DNAJC18: variants seen among roughly 807,000 people sequenced by gnomAD.
DNAJC18 encodes dnaJ homolog subfamily C member 18.
Under a neutral mutation model 48.6 loss-of-function variants are expected in DNAJC18, and 40 were observed. The ratio of observed to expected loss-of-function variants is 0.82; its 90% confidence interval spans 0.64 to 1.07. DNAJC18 has a LOEUF of 1.07. DNAJC18 is among the 50% of genes least tolerant of loss of function. The probability of loss-of-function intolerance (pLI) is 0.00; values close to 1 mark genes in which losing one functional copy is unlikely to be tolerated. For missense variants in DNAJC18, 340 were observed against 427.7 expected (o/e 0.79, Z 1.81); for synonymous variants, 135 against 152.2 (o/e 0.89, Z 0.83).
chr5:139,422,420 A>G (rs904850416), intron 6 of DNAJC18, among the ~76,000 whole-genome samples: 4 of 152,206 alleles, frequency 2.6e-5, no homozygotes, highest in Admixed American at 6.5e-5. Flanking sequence ...TAATGAGTTC[A>G]TCTAAACCTT....
At chr5:139,421,977 TATTC>T (rs913516624) in intron 6 of DNAJC18, among the ~76,000 whole-genome samples, 1 of 152,174 alleles carries the variant, frequency 6.6e-6, no homozygotes, top group African/African-American at 2.4e-5. Flanking sequence ...AATAATTTAT[TATTC>T]ATTATTAACA....
rs781219525 is a variant in DNAJC18 at position 139,428,415 on chromosome 5, A to AGGT, written c.373+120_373+122dup. ...GCTATGCTGATTATCACTATTTAAG[A>AGGT]GGTGTGGCAGGGGGAAAAAACCCTC... On this transcript the variant is annotated intron_variant, in intron 3 of 7. Transcript: ENST00000302060. 262 of 1,266,046 alleles carry AGGT rather than the reference A, an allele frequency of 2.1e-4. 3 individuals carry two copies. Among genetic ancestry groups the AGGT allele is most frequent in the South Asian group, 7.6e-4 (51 of 66,774 alleles). The allele number at this position is 1,266,046 out of a possible 1,614,324, so 78.4% of individuals were successfully genotyped here.
At chr5:139,430,765 T>A (rs1460268272) in intron 2 of DNAJC18, among the ~76,000 whole-genome samples, 1 of 152,068 alleles carries the variant, frequency 6.6e-6, no homozygotes, top group East Asian at 1.9e-4. Context: ...GAGACAGGGT[T>A]TCACTGTATT....
intron 4 of DNAJC18, among the ~76,000 whole-genome samples, chr5:139,425,924 T>C (rs1464936404): frequency 6.6e-6 from 1 of 152,210 alleles, no homozygotes; most frequent in African/African-American, 2.4e-5. Context: ...ACAGTGACCC[T>C]GTGAAGTAGG....
chr5:139,434,808 G>A (rs1421248592), intron 2 of DNAJC18, among the ~76,000 whole-genome samples: 1 of 152,050 alleles, frequency 6.6e-6, no homozygotes, highest in East Asian at 1.9e-4. Flanking sequence ...CATGTCATCT[G>A]TGGATGTAGT....
At chr5:139,416,466 C>T (rs1258290922) in intron 7 of DNAJC18, among the ~76,000 whole-genome samples, 1 of 152,218 alleles carries the variant, frequency 6.6e-6, no homozygotes, top group Non-Finnish European at 1.5e-5. Context: ...CAACTGCCCT[C>T]ATGATCCAGC....
chr5:139,422,776 C>T lies in DNAJC18; in HGVS notation c.711G>A (p.Val237=). Residue 237 remains valine (V), a synonymous_variant, in exon 6 of 8, where the codon GTG becomes GTA. Transcript: ENST00000302060. ...GAGTAATGACAGATATAATCACAAT[C>T]ACAAGAACTGGAAGTAGCTGAATAA... ...SAFIQLLPVL[V]IVIISVITQL... 6.2e-7 allele frequency: 1 copy of T among 1,610,062 alleles called. No individual in the cohort carries two copies. The highest frequency in any genetic ancestry group is 8.5e-7 in the Non-Finnish European group (1 of 1,178,814).
intron 2 of DNAJC18, among the ~76,000 whole-genome samples, chr5:139,435,556 T>A (rs1002374077): frequency 1.3e-5 from 2 of 152,112 alleles, no homozygotes; most frequent in African/African-American, 4.8e-5. Flanking sequence ...TTTACTAGTA[T>A]TTTATTGAAT....
At chr5:139,431,874 A>T (rs1759334482) in intron 2 of DNAJC18, among the ~76,000 whole-genome samples, 1 of 152,184 alleles carries the variant, frequency 6.6e-6, no homozygotes, top group South Asian at 2.1e-4. Context: ...TTTTGACTAT[A>T]GACATTCCAG....
intron 2 of DNAJC18, among the ~76,000 whole-genome samples, chr5:139,433,197 T>C (rs1428490852): frequency 6.6e-6 from 1 of 152,194 alleles, no homozygotes; most frequent in African/African-American, 2.4e-5. Context: ...AATGTTTTCT[T>C]ACCTGCTGGC....
chr5:139,422,686 G>T (rs1759173670), intron 6 of DNAJC18, 22 bp downstream of exon 6: 1 of 1,543,602 alleles, frequency 6.5e-7, no homozygotes, highest in Non-Finnish European at 8.9e-7. Context: ...TACTGAGAAA[G>T]ATTTAGAAAT....
chr5:139,416,295 C>T (rs965762120), intron 7 of DNAJC18, among the ~76,000 whole-genome samples: 5 of 152,224 alleles, frequency 3.3e-5, no homozygotes, highest in Non-Finnish European at 4.4e-5. Context: ...GAAAGTTCCC[C>T]TTCCTCTGAA....
At chr5:139,427,852 G>T (rs1290443912) in intron 3 of DNAJC18, among the ~76,000 whole-genome samples, 1 of 152,140 alleles carries the variant, frequency 6.6e-6, no homozygotes, top group Non-Finnish European at 1.5e-5. Context: ...CATATTGATT[G>T]TTTCCTCATT....
intron 4 of DNAJC18, 42 bp downstream of exon 4, chr5:139,426,130 A>G (rs1759239262): frequency 1.1e-5 from 18 of 1,585,224 alleles, no homozygotes; most frequent in Non-Finnish European, 1.5e-5. Context: ...AGAGCCATAA[A>G]TAAAGAAATA....
intron 2 of DNAJC18, among the ~76,000 whole-genome samples, chr5:139,435,224 G>A (rs189884565): frequency 7.9e-5 from 12 of 152,218 alleles, no homozygotes; most frequent in South Asian, 2.1e-4. Flanking sequence ...ATGGTGGTGC[G>A]CGTCTGTAGT....
Position 139,422,707 on chromosome 5 carries a change from C to G in DNAJC18, c.779+1G>C, listed in dbSNP as rs756533994. On this transcript the variant is annotated splice_donor_variant, in intron 6 of 7. Transcript: ENST00000302060. LOFTEE classifies it high-confidence loss of function. ...GAAAGATTTAGAAATACCAGACTTA[C>G]GATTTATAGAACAGACTATATGGGG... is the stretch of plus-strand genomic sequence containing the variant. 2.5e-6 allele frequency: 4 copies of G among 1,589,698 alleles called. No homozygotes were observed. Among genetic ancestry groups the G allele is most frequent in the Non-Finnish European group, 3.4e-6 (4 of 1,166,744 alleles).
chr5:139,437,617 C>T (rs192337682), intron 1 of DNAJC18, 59 bp from the exon 2 acceptor site: 2 of 1,548,146 alleles, frequency 1.3e-6, no homozygotes, highest in East Asian at 4.6e-5. Context: ...AACTTTGCAA[C>T]CTGCCTTTCC....
intron 4 of DNAJC18, 130 bp downstream of exon 4, chr5:139,426,042 G>A: frequency 9.4e-7 from 1 of 1,064,044 alleles, no homozygotes; most frequent in Non-Finnish European, 1.4e-6. Context: ...TCAAACTCCT[G>A]CTCAACTGAT....
chr5:139,422,523 A>T (rs1390228237), intron 6 of DNAJC18, among the ~76,000 whole-genome samples, 185 bp downstream of exon 6: 1 of 152,244 alleles, frequency 6.6e-6, no homozygotes, highest in Non-Finnish European at 1.5e-5. Context: ...TTCCCGAGGC[A>T]CACAGGAGAC....
Sources: gnomAD v4.1 joint callset for allele counts (sites outside exome capture counted in the v4.1 genomes callset) on GRCh38, gnomAD v4.1.1 for gene constraint, MANE v1.5 for transcripts, NCBI Gene and HGNC (gene_info 2026-07-23, HGNC 2026-07-21) for gene names.